MAG: variants seen among roughly 807,000 people sequenced by gnomAD.
MAG encodes the protein myelin associated glycoprotein.
In MAG, 30 loss-of-function variants were observed where a neutral mutation model predicts 60.7. The observed-to-expected ratio is 0.49, with a 90% confidence interval of 0.37 to 0.67. The LOEUF is 0.67. Among genes scored for constraint, MAG ranks in the 30% least tolerant of loss-of-function variants. The pLI, the probability that MAG is intolerant of heterozygous loss-of-function variation, is 0.00. For synonymous variants in MAG, 384 were observed against 376.8 expected (o/e 1.02, Z -0.22); for missense variants, 795 against 851.7 (o/e 0.93, Z 0.83).
rs2066387076 is a variant in MAG at position 35,295,259 on chromosome 19, A to G, written c.-23-127A>G. Reference sequence around the variant, plus strand: ...AAGACCCTGTCTCAGAAAAATAAGTAAATAAATGCATAAATAAATAATAAT... The same window carrying G: ...AAGACCCTGTCTCAGAAAAATAAGTGAATAAATGCATAAATAAATAATAAT... On this transcript the variant is annotated intron_variant, in intron 2 of 10. Coordinates refer to ENST00000392213, the MANE Select transcript of MAG (RefSeq NM_002361.4). The surrounding 1 kb of genome is among the most constrained non-coding windows in gnomAD (Gnocchi z 5.8). 38 of 796,896 alleles carry G rather than the reference A, an allele frequency of 4.8e-5. No individual in the cohort carries two copies. In the South Asian group the frequency reaches 6.4e-4, roughly 13 times the overall value. 49.4% of individuals were successfully genotyped at this position (796,896 alleles called of 1,614,324 possible).
At chr19:35,302,338 C>A in intron 6 of MAG, 110 bp from the exon 7 acceptor site, 1 of 1,335,486 alleles carries the variant, frequency 7.5e-7, no homozygotes, top group Non-Finnish European at 1.0e-6. Flanking sequence ...CCTTCCTGAA[C>A]CGGTGTGCTA....
chr19:35,292,860 A>G (rs549945675), intron 1 of MAG, among the ~76,000 whole-genome samples: 116 of 152,072 alleles, frequency 7.6e-4, no homozygotes, highest in African/African-American at 2.7e-3. Flanking sequence ...TTGGCCTTCC[A>G]AAGTGCTGGG....
chr19:35,298,470 CCACATACTACAGAAACCACACAA>C (rs1167328119), intron 4 of MAG, among the ~76,000 whole-genome samples: 1 of 149,592 alleles, frequency 6.7e-6, no homozygotes, highest in Non-Finnish European at 1.5e-5. Flanking sequence ...CACACACACA[CCACATACTACAGAAACCACACAA>C]CACACACTGC....
rs753417077 is a variant in MAG at position 35,311,962 on chromosome 19, C to T, written c.1661C>T (p.Pro554Leu). 3 of 1,613,494 alleles carry T rather than the reference C, an allele frequency of 1.9e-6. No homozygotes were observed. Among genetic ancestry groups the T allele is most frequent in the Non-Finnish European group, 2.5e-6 (3 of 1,179,686 alleles). Residue 554 changes from proline to leucine, a missense_variant, in exon 10 of 11, where the codon CCT becomes CTT. Transcript: ENST00000392213. ...ESPSFSAGDN[P>L]PVLFSSDFRI... is the part of the protein sequence containing the mutation. The stretch of plus-strand genomic sequence containing the variant: ...CCCAGCTTCTCGGCAGGGGACAACC[C>T]TCCCGTCCTGTTCAGCAGCGACTTC...
intron 7 of MAG, among the ~76,000 whole-genome samples, chr19:35,306,914 C>A (rs888817106): frequency 3.3e-5 from 5 of 152,254 alleles, no homozygotes; most frequent in African/African-American, 1.2e-4. Context: ...CAAGCCAAAT[C>A]CATCCCACCA....
At chr19:35,301,429 C>CAT (rs2066447426) in intron 6 of MAG, among the ~76,000 whole-genome samples, 1 of 105,738 alleles carries the variant, frequency 9.5e-6, no homozygotes, top group Non-Finnish European at 1.8e-5. Flanking sequence ...CTCTTGAGTG[C>CAT]TTTTTTTTTT....
At position 35,293,865 on chromosome 19, in the gene MAG, C is replaced by A. The variant is rs1599645858; in HGVS notation, c.-79-370C>A. On this transcript the variant is annotated intron_variant, in intron 1 of 10. Transcript: ENST00000392213. This position sits in a 1 kb window ranked among gnomAD's most constrained non-coding sequence, Gnocchi z 4.0. ...TGGGAGAGGGCGGCAGGAATTCACG[C>A]GGCATGTCGGGAATGCTGATACTGT... Among the ~76,000 whole-genome samples, 1 of 152,016 alleles carries A rather than the reference C, an allele frequency of 6.6e-6. No individual in the cohort carries two copies. Among genetic ancestry groups the A allele is most frequent in the African/African-American group, 2.4e-5 (1 of 41,366 alleles).
At chr19:35,304,182 G>A (rs553932212) in intron 7 of MAG, among the ~76,000 whole-genome samples, 1 of 152,146 alleles carries the variant, frequency 6.6e-6, no homozygotes, top group Non-Finnish European at 1.5e-5. Context: ...ATAATCTTCA[G>A]GCACTTTCCC....
intron 7 of MAG, among the ~76,000 whole-genome samples, chr19:35,304,498 A>G (rs888632600): frequency 6.6e-6 from 1 of 151,910 alleles, no homozygotes; most frequent in African/African-American, 2.4e-5. Flanking sequence ...CAGACCTTGA[A>G]TCCTCTACAG....
chr19:35,297,997 C>G (rs1265632460), intron 4 of MAG, among the ~76,000 whole-genome samples: 1 of 150,268 alleles, frequency 6.7e-6, no homozygotes, highest in Non-Finnish European at 1.5e-5. Flanking sequence ...ACACCACACA[C>G]TGCACATACT....
At position 35,310,088 on chromosome 19, in the gene MAG, C is replaced by T. The variant is rs1181375637; in HGVS notation, c.1446C>T (p.Ala482=). The T allele has an allele frequency of 2.5e-6, 4 of 1,612,842 alleles. No individual in the cohort carries two copies. Among genetic ancestry groups the T allele is most frequent in the African/African-American group, 2.7e-5 (2 of 74,920 alleles). Reference sequence around the variant, plus strand: ...TCACGCTGCGGGGGCAGGCCCAGGCCCCGCCCCGCGTCATCTGCACCGCGA... The same window carrying T: ...TCACGCTGCGGGGGCAGGCCCAGGCTCCGCCCCGCGTCATCTGCACCGCGA... The part of the protein sequence containing the change: ...SILTLRGQAQ[A]PPRVICTARN... Residue 482 remains alanine, a synonymous_variant, in exon 8 of 11, where the codon GCC becomes GCT. Coordinates refer to ENST00000392213, the MANE Select transcript of MAG (RefSeq NM_002361.4).
At chr19:35,308,769 T>A (rs951186586) in intron 7 of MAG, among the ~76,000 whole-genome samples, 2 of 152,148 alleles carry the variant, frequency 1.3e-5, no homozygotes, top group Admixed American at 6.5e-5. Context: ...ATTCGTACTT[T>A]TTGCTGTATA....
intron 4 of MAG, among the ~76,000 whole-genome samples, chr19:35,298,480 C>G (rs548704636): frequency 1.3e-5 from 2 of 149,732 alleles, no homozygotes; most frequent in East Asian, 4.0e-4. Context: ...CCACATACTA[C>G]AGAAACCACA....
intron 7 of MAG, among the ~76,000 whole-genome samples, chr19:35,305,964 C>A (rs2066481629): frequency 7.1e-6 from 1 of 140,204 alleles, no homozygotes; most frequent in Non-Finnish European, 1.5e-5. Flanking sequence ...GCCCCCCACT[C>A]CAGCCTGGAT....
At chr19:35,298,903 C>G (rs1231902078) in intron 4 of MAG, among the ~76,000 whole-genome samples, 1 of 151,380 alleles carries the variant, frequency 6.6e-6, no homozygotes, top group African/African-American at 2.4e-5. Flanking sequence ...CCACACCACA[C>G]AAACCACACA....
intron 7 of MAG, among the ~76,000 whole-genome samples, chr19:35,306,454 T>C (rs913221534): frequency 6.6e-6 from 1 of 152,186 alleles, no homozygotes; most frequent in Admixed American, 6.6e-5. Context: ...TTTTATTTTT[T>C]TGAGACAGGG....
chr19:35,295,347 A>G lies in MAG; in HGVS notation c.-23-39A>G, dbSNP rs1285881902. The G allele has an allele frequency of 3.2e-6, 5 of 1,585,736 alleles. No homozygotes were observed. Among genetic ancestry groups the G allele is most frequent in the Non-Finnish European group, 4.3e-6 (5 of 1,159,054 alleles). Reference sequence around the variant, plus strand: ...AAGCCCAGATGGAACACCCCCTTTCACTTCCCCCAGCCTTTAACCCTCTCC... The same window carrying G: ...AAGCCCAGATGGAACACCCCCTTTCGCTTCCCCCAGCCTTTAACCCTCTCC... On this transcript the variant is annotated intron_variant, in intron 2 of 10. Transcript: ENST00000392213. The surrounding 1 kb of genome is among the most constrained non-coding windows in gnomAD (Gnocchi z 5.8).
intron 7 of MAG, among the ~76,000 whole-genome samples, chr19:35,307,222 G>A (rs1399086599): frequency 1.3e-5 from 2 of 152,248 alleles, no homozygotes; most frequent in African/African-American, 4.8e-5. Flanking sequence ...GCCCGAACAG[G>A]ACTTTTTATT....
chr19:35,312,014 C>T lies in MAG; in HGVS notation c.1713C>T (p.Tyr571=), dbSNP rs200896103. ...GCATCTCTGGGGCACCAGAGAAGTA[C>T]GAGGTAAGGACCAGGCTCCAGGCTG... is the stretch of plus-strand genomic sequence containing the variant. ...DFRISGAPEK[Y]ESERRLGSER... The change falls in exon 10 of 11, where the codon TAC becomes TAT. Residue 571 remains tyrosine (Y), a synonymous_variant. Coordinates refer to ENST00000392213, the MANE Select transcript of MAG (RefSeq NM_002361.4). 29 of 1,611,860 alleles carry T rather than the reference C, an allele frequency of 1.8e-5. No homozygotes were observed. The East Asian group carries it at 2.7e-4, about 15-fold the overall frequency.
Sources: allele counts gnomAD v4.1 joint callset (sites outside exome capture counted in the v4.1 genomes callset), GRCh38; gene constraint gnomAD v4.1.1; non-coding constraint Gnocchi (gnomAD v3.1); transcripts MANE v1.5; gene names NCBI Gene and HGNC (gene_info 2026-07-23, HGNC 2026-07-21).